Variants in ERVFRD-1 observed in about 807,000 individuals in gnomAD.
The protein encoded by ERVFRD-1 is syncytin-2.
In ERVFRD-1, 33 loss-of-function variants were observed where a neutral mutation model predicts 43.8. The observed-to-expected ratio is 0.75, with a 90% confidence interval of 0.57 to 1.01. The LOEUF (loss-of-function observed/expected upper bound fraction) is 1.01. Among genes scored for constraint, ERVFRD-1 ranks in the 50% least tolerant of loss-of-function variants. The pLI is 0.00. For missense variants in ERVFRD-1, 568 were observed against 658.4 expected, an observed-to-expected ratio of 0.86 and a Z score of 1.50; for synonymous variants, 239 against 244.4, an observed-to-expected ratio of 0.98 and a Z score of 0.21.
intron 1 of ERVFRD-1, among the ~76,000 whole-genome samples, chr6:11,111,160 C>T (rs1052885548): frequency 5.9e-5 from 9 of 152,136 alleles, no homozygotes; most frequent in Non-Finnish European, 1.0e-4. Context: ...GCTAACACAG[C>T]AAGAGCTGCG....
rs757096237 is a variant in ERVFRD-1 at position 11,104,687 on chromosome 6, C to G, written c.624G>C (p.Arg208=). The G allele has an allele frequency of 4.3e-6, 7 of 1,614,216 alleles. No homozygotes were observed. Among genetic ancestry groups the G allele is most frequent in the Non-Finnish European group, 5.9e-6 (7 of 1,180,042 alleles). The change falls in exon 2 of 2, where the codon CGG becomes CGC. Residue 208 remains arginine, a synonymous_variant. Transcript: ENST00000472091. ...SSCSTRNFWF[R]PADYNQCLQI... ...GCAGACATTGGTTATAATCAGCAGGCCGGAACCAGAAGTTTCGAGTACTGC... is the reference window on the plus strand; with the variant it reads ...GCAGACATTGGTTATAATCAGCAGGGCGGAACCAGAAGTTTCGAGTACTGC...
At position 11,104,282 on chromosome 6, in the gene ERVFRD-1, G is replaced by A. The variant is rs1437610423; in HGVS notation, c.1029C>T (p.Ser343=). The A allele has an allele frequency of 6.4e-7, 1 of 1,551,718 alleles. No individual in the cohort carries two copies. ...LSLPIPIYGN[S]PLPRVRRAIH... is the part of the protein sequence containing the mutation. ...TTGCCCTCCTCACCCTGGGCAACGG[G>A]GAATTCCCATAGATTGGTATTGGAA... is the stretch of plus-strand genomic sequence containing the variant. The change falls in exon 2 of 2, where the codon TCC becomes TCT. Residue 343 remains serine, a synonymous_variant. Coordinates refer to ENST00000472091, the MANE Select transcript of ERVFRD-1 (RefSeq NM_207582.3).
chr6:11,103,953 C>T lies in ERVFRD-1; in HGVS notation c.1358G>A (p.Arg453Lys). ...ACTGGAGGCTTGATTTAGGAGTTGTCTGATGTTGTCTTGTACTTTTCCTGA... is the reference window on the plus strand; with the variant it reads ...ACTGGAGGCTTGATTTAGGAGTTGTTTGATGTTGTCTTGTACTTTTCCTGA... ...NQSGKVQDNI[R>K]QLLNQASSLR... The change falls in exon 2 of 2, where the codon AGA becomes AAA. Residue 453 changes from arginine to lysine, a missense_variant. Physicochemically the swap from Arg to Lys is conservative, Grantham distance 26 (BLOSUM62 2). Coordinates refer to ENST00000472091, the MANE Select transcript of ERVFRD-1 (RefSeq NM_207582.3). 2.6e-6 allele frequency: 4 copies of T among 1,551,664 alleles called. No individual in the cohort carries two copies. Among genetic ancestry groups the T allele is most frequent in the Non-Finnish European group, 3.5e-6 (4 of 1,146,998 alleles).
At chr6:11,110,656 T>C (rs1758153368) in intron 1 of ERVFRD-1, among the ~76,000 whole-genome samples, 1 of 152,150 alleles carries the variant, frequency 6.6e-6, no homozygotes, top group South Asian at 2.1e-4. Flanking sequence ...GGTAGAACAA[T>C]CCCTCTGCTA....
chr6:11,107,012 A>G (rs1370128466), intron 1 of ERVFRD-1, among the ~76,000 whole-genome samples: 2 of 152,192 alleles, frequency 1.3e-5, no homozygotes, highest in East Asian at 1.9e-4. Context: ...CTAATTGCAC[A>G]GAGGTCCCCG....
intron 1 of ERVFRD-1, among the ~76,000 whole-genome samples, chr6:11,108,960 G>A (rs577461697): frequency 6.6e-6 from 1 of 152,318 alleles, no homozygotes; most frequent in Non-Finnish European, 1.5e-5. Flanking sequence ...ACAGTTCACA[G>A]GCTTTGCTCT....
At chr6:11,107,832 A>G (rs1238896062) in intron 1 of ERVFRD-1, among the ~76,000 whole-genome samples, 1 of 152,216 alleles carries the variant, frequency 6.6e-6, no homozygotes, top group African/African-American at 2.4e-5. Context: ...GAAATTTTTC[A>G]GTCAGAAGCT....
chr6:11,105,406 T>C lies in ERVFRD-1; in HGVS notation c.-96A>G. ...AAAATAGTGATAACAATCAGAGCAA[T>C]TGCCAGTAAAATTTCTAGTATTGGG... On this transcript the variant is annotated 5_prime_UTR_variant, in exon 2 of 2. Coordinates refer to ENST00000472091, the MANE Select transcript of ERVFRD-1 (RefSeq NM_207582.3). 1 of 901,984 alleles carries C rather than the reference T, an allele frequency of 1.1e-6. No homozygotes were observed. The highest frequency in any genetic ancestry group is 1.7e-6 in the Non-Finnish European group (1 of 595,660). The allele number at this position is 901,984 out of a possible 1,614,324, so 55.9% of individuals were successfully genotyped here.
chr6:11,103,892 C>A lies in ERVFRD-1; in HGVS notation c.1419G>T (p.Trp473Cys). 6.4e-7 allele frequency: 1 copy of A among 1,551,606 alleles called. No homozygotes were observed. Among genetic ancestry groups the A allele is most frequent in the Non-Finnish European group, 8.7e-7 (1 of 1,146,978 alleles). Residue 473 changes from tryptophan to cysteine, a missense_variant, in exon 2 of 2, where the codon TGG becomes TGT. By Grantham distance (215) the Trp-to-Cys change is radical. Transcript: ENST00000472091. ...AAGAGAACCATTTCCAAGTTCCTTCCCAATTTAACCAACCCTGAGTGGCTC... is the reference window on the plus strand; with the variant it reads ...AAGAGAACCATTTCCAAGTTCCTTCACAATTTAACCAACCCTGAGTGGCTC... ...RERATQGWLNWEGTWKWFSWV... is the reference protein window; with the variant it reads ...RERATQGWLNCEGTWKWFSWV...
chr6:11,104,960 G>A lies in ERVFRD-1; in HGVS notation c.351C>T (p.Ile117=), dbSNP rs1758061602. ...AAATAGGGGCTATTCCCATTAGGTT[G>A]ATATTAGTAAAGATGGGTCCGAAAA... The part of the protein sequence containing the change: ...PPIFGPIFTN[I]NLMGIAPICV... The change falls in exon 2 of 2, where the codon ATC becomes ATT. Residue 117 remains isoleucine, a synonymous_variant. Coordinates refer to ENST00000472091, the MANE Select transcript of ERVFRD-1 (RefSeq NM_207582.3). The A allele has an allele frequency of 6.2e-7, 1 of 1,614,066 alleles. No homozygotes were observed. The highest frequency in any genetic ancestry group is 1.3e-5 in the African/African-American group (1 of 74,908).
rs1758073426 is a variant in ERVFRD-1 at position 11,105,575 on chromosome 6, C to T, written c.-265G>A. On this transcript the variant is annotated 5_prime_UTR_variant, in exon 2 of 2. Coordinates refer to ENST00000472091, the MANE Select transcript of ERVFRD-1 (RefSeq NM_207582.3). The stretch of plus-strand genomic sequence containing the variant: ...CTGGCTCTGGAGTTTAAGGGCTTTT[C>T]CACAGCTTCACTTGGGTGTGATGGA... 1 of 409,720 alleles carries T rather than the reference C, an allele frequency of 2.4e-6. No individual in the cohort carries two copies. Among genetic ancestry groups the T allele is most frequent in the Non-Finnish European group, 4.6e-6 (1 of 217,628 alleles). 25.4% of individuals were successfully genotyped at this position (409,720 alleles called of 1,614,324 possible).
intron 1 of ERVFRD-1, among the ~76,000 whole-genome samples, chr6:11,109,700 C>T (rs1207973501): frequency 1.3e-5 from 2 of 152,056 alleles, no homozygotes; most frequent in Non-Finnish European, 2.9e-5. Context: ...ATTCCTGGTC[C>T]TAGAGCTTTT....
Position 11,104,461 on chromosome 6 carries a change from A to G in ERVFRD-1, c.850T>C (p.Phe284Leu), listed in dbSNP as rs1023869297. 3.9e-6 allele frequency: 6 copies of G among 1,552,028 alleles called. No homozygotes were observed. The African/African-American group carries it at 6.8e-5, about 18-fold the overall frequency. The part of the protein sequence containing the change: ...EFFGTSLTPL[F>L]HFHISTCLKT... ...AGGCATGTAGAGATATGGAAATGAA[A>G]TAAGGGGGTGAGGGAGGTTCCAAAA... Residue 284 changes from phenylalanine (F) to leucine (L), a missense_variant, in exon 2 of 2, where the codon TTT (phenylalanine) becomes CTT (leucine). Coordinates refer to ENST00000472091, the MANE Select transcript of ERVFRD-1 (RefSeq NM_207582.3).
rs1758067810 is a variant in ERVFRD-1, at chr6:11,105,251, A to T, written c.60T>A (p.Pro20=). 2.5e-6 allele frequency: 4 copies of T among 1,614,054 alleles called. No homozygotes were observed. The highest frequency in any genetic ancestry group is 2.5e-6 in the Non-Finnish European group (3 of 1,180,030). Residue 20 remains proline (P), a synonymous_variant, in exon 2 of 2, where the codon CCT becomes CCA. Coordinates refer to ENST00000472091, the MANE Select transcript of ERVFRD-1 (RefSeq NM_207582.3). ...LTPSLAAYRH[P]DFPLLEKAQQ... Reference sequence around the variant, plus strand: ...GAGCTTTTTCCAATAACGGGAAATCAGGATGGCGGTAGGCTGCTAGTGAAG... The same window carrying T: ...GAGCTTTTTCCAATAACGGGAAATCTGGATGGCGGTAGGCTGCTAGTGAAG...
Position 11,103,705 on chromosome 6 carries a change from A to T in ERVFRD-1, c.1606T>A (p.Ser536Thr), listed in dbSNP as rs1290437317. ...AGRHPRNIQE[S>T]PF ...TCTAGGGGTCCTCCTTAGAAGGGTG[A>T]CTCTTGAATATTGCGAGGATGGCGT... The change falls in exon 2 of 2, where the codon TCA (serine) becomes ACA (threonine). Residue 536 changes from serine (S) to threonine (T), a missense_variant. Ser to Thr is a moderately conservative substitution (Grantham distance 58). Coordinates refer to ENST00000472091, the MANE Select transcript of ERVFRD-1 (RefSeq NM_207582.3). 2 of 1,550,166 alleles carry T rather than the reference A, an allele frequency of 1.3e-6. No individual in the cohort carries two copies. The highest frequency in any genetic ancestry group is 1.7e-6 in the Non-Finnish European group (2 of 1,146,324).
At position 11,105,357 on chromosome 6, in the gene ERVFRD-1, C is replaced by T; in HGVS notation, c.-47G>A. ...CACAAAACGAGCTGCCAATGGAACT[C>T]CTGGTGGTGTACAAGTTAGGGTTAA... On this transcript the variant is annotated 5_prime_UTR_variant, in exon 2 of 2. Transcript: ENST00000472091. The T allele has an allele frequency of 7.0e-7, 1 of 1,432,546 alleles. No homozygotes were observed. The highest frequency in any genetic ancestry group is 9.6e-7 in the Non-Finnish European group (1 of 1,037,026). The allele number at this position is 1,432,546 out of a possible 1,614,324, so 88.7% of individuals were successfully genotyped here. A position where few individuals can be genotyped will look rare whatever the true frequency, so the allele number is the denominator to read the frequency against.
Position 11,103,460 on chromosome 6 carries a change from T to C in ERVFRD-1, c.*234A>G. ...CTACCTGCTCCAACATTTCCCCCCC[T>C]CAAGAGTCCAAGACCCAATTATCTG... On this transcript the variant is annotated 3_prime_UTR_variant, in exon 2 of 2. Coordinates refer to ENST00000472091, the MANE Select transcript of ERVFRD-1 (RefSeq NM_207582.3). The C allele has an allele frequency of 1.8e-6, 1 of 552,396 alleles. No homozygotes were observed. The highest frequency in any genetic ancestry group is 3.5e-5 in the Admixed American group (1 of 28,762). The allele number at this position is 552,396 out of a possible 1,614,324, so 34.2% of individuals were successfully genotyped here. A position where few individuals can be genotyped will look rare whatever the true frequency, so the allele number is the denominator to read the frequency against.
intron 1 of ERVFRD-1, among the ~76,000 whole-genome samples, chr6:11,110,016 G>A (rs189322181): frequency 3.3e-5 from 5 of 152,326 alleles, no homozygotes; most frequent in African/African-American, 1.2e-4. Context: ...GAATGAACCA[G>A]TGCTTACCAG....
intron 1 of ERVFRD-1, among the ~76,000 whole-genome samples, chr6:11,109,351 T>C (rs1758136184): frequency 6.6e-6 from 1 of 152,168 alleles, no homozygotes; most frequent in African/African-American, 2.4e-5. Flanking sequence ...CTGGGACCAC[T>C]AAACCTCCTG....
Sources: allele counts gnomAD v4.1 joint callset (sites outside exome capture counted in the v4.1 genomes callset), GRCh38; gene constraint gnomAD v4.1.1; transcripts MANE v1.5; gene names NCBI Gene and HGNC (gene_info 2026-07-23, HGNC 2026-07-21).